HECW2: variants seen among roughly 807,000 people sequenced by gnomAD.
HECW2 encodes E3 ubiquitin-protein ligase HECW2.
A neutral mutation model predicts 175.2 loss-of-function variants in HECW2; 61 were observed. The ratio of observed to expected loss-of-function variants is 0.35; its 90% CI spans 0.28 to 0.43. HECW2 has a LOEUF of 0.43. Among genes scored for constraint, HECW2 ranks in the 20% least tolerant of loss-of-function variants. The pLI is 1.00. For missense variants in HECW2, 1,524 were observed against 2,000.5 expected, an observed-to-expected ratio of 0.76 and a Z score of 4.54; for synonymous variants, 671 against 731.0, an observed-to-expected ratio of 0.92 and a Z score of 1.32.
chr2:196,377,293 T>C (rs1694077391), intron 2 of HECW2, among the ~76,000 whole-genome samples: 1 of 152,218 alleles, frequency 6.6e-6, no homozygotes. Flanking sequence ...TTGCAACAAT[T>C]GTATTCTTGA....
intron 2 of HECW2, among the ~76,000 whole-genome samples, chr2:196,375,886 GAA>G (rs1339507157): frequency 6.6e-6 from 1 of 152,206 alleles, no homozygotes; most frequent in Non-Finnish European, 1.5e-5. Context: ...CAAGGCTGAT[GAA>G]CACGTTCTTG....
intron 1 of HECW2, among the ~76,000 whole-genome samples, chr2:196,492,011 G>A (rs534216952): frequency 6.6e-6 from 1 of 152,114 alleles, no homozygotes; most frequent in South Asian, 2.1e-4. Context: ...AAATAAGTAA[G>A]TTATATCTCT....
intron 1 of HECW2, among the ~76,000 whole-genome samples, chr2:196,552,000 T>A (rs1177170136): frequency 6.6e-6 from 1 of 152,154 alleles, no homozygotes; most frequent in Non-Finnish European, 1.5e-5. Context: ...CCTGAATCAC[T>A]TCTCACCCTT....
chr2:196,381,179 C>G (rs1478746729), intron 2 of HECW2, among the ~76,000 whole-genome samples: 2 of 152,146 alleles, frequency 1.3e-5, no homozygotes, highest in Non-Finnish European at 2.9e-5. Flanking sequence ...AGTCTAAAGT[C>G]CCTTAAGACA....
In HECW2 at chr2:196,379,078, G is replaced by GC. The variant is rs562578278; in HGVS notation, c.293-35315dup. On this transcript the variant is annotated intron_variant, in intron 2 of 28. Transcript: ENST00000644978. ...ACAAGTTAAAAGACAATACCAGTGA[G>GC]CAAAAAAAAAAACAAATCCTGAATG... is the stretch of plus-strand genomic sequence containing the variant. Among the ~76,000 whole-genome samples the GC allele has an allele frequency of 4.5e-3, 588 of 129,308 alleles. 3 individuals are homozygous for GC. The highest frequency in any genetic ancestry group is 0.019 in the African/African-American group (554 of 29,044). The allele number at this position is 129,308 out of a possible 152,430, so 84.8% of individuals were successfully genotyped here. A position where few individuals can be genotyped will look rare whatever the true frequency, so the allele number is the denominator to read the frequency against.
chr2:196,312,118 CA>C (rs1691519198), intron 10 of HECW2, among the ~76,000 whole-genome samples: 1 of 151,994 alleles, frequency 6.6e-6, no homozygotes, highest in African/African-American at 2.4e-5. Flanking sequence ...CCACTCCCTT[CA>C]AATCAGACCT....
chr2:196,339,210 G>T (rs1274324965), intron 3 of HECW2, among the ~76,000 whole-genome samples: 1 of 152,022 alleles, frequency 6.6e-6, no homozygotes, highest in Non-Finnish European at 1.5e-5. Context: ...TACAGAAAAG[G>T]CTCTGATAGT....
At position 196,318,933 on chromosome 2, in the gene HECW2, G is replaced by A. The variant is rs776820114; in HGVS notation, c.1957C>T (p.Leu653=). 6.2e-7 allele frequency: 1 copy of A among 1,603,316 alleles called. No individual in the cohort carries two copies. The highest frequency in any genetic ancestry group is 2.2e-5 in the East Asian group (1 of 44,864). The change falls in exon 9 of 29, where the codon CTG becomes TTG. Residue 653 remains leucine (L), a synonymous_variant. Transcript: ENST00000644978. ...GAGCACCGTGTGTCCACAGAGGACA[G>A]CTGCGTGGTCACACTCTCATTGCAG... The part of the protein sequence containing the change: ...SSCNESVTTQ[L]SSVDTRCSSL...
At position 196,209,978 on chromosome 2, in the gene HECW2, T is replaced by C. The variant is rs1325559851; in HGVS notation, c.4607+5887A>G. Among the ~76,000 whole-genome samples, 6 of 152,130 alleles carry C rather than the reference T, an allele frequency of 3.9e-5. No individual in the cohort carries two copies. The East Asian group carries it at 9.6e-4, about 24-fold the overall frequency. On this transcript the variant is annotated intron_variant, in intron 28 of 28. Coordinates refer to ENST00000644978, the MANE Select transcript of HECW2 (RefSeq NM_001348768.2). ...CGGGGTTTCACCATGTTAGCCAGGA[T>C]GGTCTCCATCTCCTGACCTCGTGAT...
intron 2 of HECW2, among the ~76,000 whole-genome samples, chr2:196,429,883 G>T (rs1695657423): frequency 6.6e-6 from 1 of 152,182 alleles, no homozygotes; most frequent in Non-Finnish European, 1.5e-5. Flanking sequence ...ACAAATCTTG[G>T]CCAAGGTCTG....
At chr2:196,443,139 T>C (rs574345684) in intron 1 of HECW2, among the ~76,000 whole-genome samples, 1 of 152,256 alleles carries the variant, frequency 6.6e-6, no homozygotes, top group African/African-American at 2.4e-5. Context: ...CCTATGGACC[T>C]ACAGAGAAGA....
intron 3 of HECW2, among the ~76,000 whole-genome samples, chr2:196,340,136 A>T (rs1339560230): frequency 6.6e-6 from 1 of 152,138 alleles, no homozygotes; most frequent in Middle Eastern, 3.2e-3. Flanking sequence ...AAAAACAAAC[A>T]TTTTTAAATA....
At chr2:196,432,649 G>A (rs935361701) in intron 2 of HECW2, among the ~76,000 whole-genome samples, 6 of 152,142 alleles carry the variant, frequency 3.9e-5, no homozygotes, top group African/African-American at 7.2e-5. Context: ...ACAGAGTCAT[G>A]AAATTTAAAA....
intron 2 of HECW2, among the ~76,000 whole-genome samples, chr2:196,399,177 C>G (rs1206729710): frequency 6.6e-6 from 1 of 152,140 alleles, no homozygotes; most frequent in East Asian, 1.9e-4. Context: ...ATGGGCTTCC[C>G]CAGACTCAGC....
At chr2:196,411,639 G>C (rs1417891859) in intron 2 of HECW2, among the ~76,000 whole-genome samples, 2 of 152,386 alleles carry the variant, frequency 1.3e-5, no homozygotes, top group East Asian at 3.9e-4. Flanking sequence ...TGCAAAGAGA[G>C]AGAAGAGCTG....
Position 196,254,008 on chromosome 2 carries a change from CATT to C in HECW2, c.3438_3440del (p.Ile1146del). 6.2e-7 allele frequency: 1 copy of C among 1,613,740 alleles called. No individual in the cohort carries two copies. The highest frequency in any genetic ancestry group is 8.5e-7 in the Non-Finnish European group (1 of 1,179,752). On this transcript the variant is annotated inframe_deletion, in exon 19 of 29. Coordinates refer to ENST00000644978, the MANE Select transcript of HECW2 (RefSeq NM_001348768.2). ...GTAAGGCATGTGGAGGCACATACGACATTATCTCTTCTTCAAATAAGCTGGGGA... is the reference window on the plus strand; with the variant it reads ...GTAAGGCATGTGGAGGCACATACGACATCTCTTCTTCAAATAAGCTGGGGA...
At chr2:196,406,212 T>C (rs1460378375) in intron 2 of HECW2, among the ~76,000 whole-genome samples, 1 of 152,194 alleles carries the variant, frequency 6.6e-6, no homozygotes, top group African/African-American at 2.4e-5. Context: ...AGATGACTGA[T>C]AGGCAAGTCA....
rs576908163 is a variant in HECW2, at chr2:196,196,302, G to A, written c.*4975C>T. 2 of 152,304 alleles carry A rather than the reference G, an allele frequency of 1.3e-5. No individual in the cohort carries two copies. Among genetic ancestry groups the A allele is most frequent in the Admixed American group, 1.3e-4 (2 of 15,284 alleles). The allele number at this position is 152,304 out of a possible 1,614,324, so 9.4% of individuals were successfully genotyped here. On this transcript the variant is annotated 3_prime_UTR_variant, in exon 29 of 29. Coordinates refer to ENST00000644978, the MANE Select transcript of HECW2 (RefSeq NM_001348768.2). Reference sequence around the variant, plus strand: ...GTAGCTGGCCTTAAGCCACAATTCAGAAAGCTTTAATGTCTTCAGCATTCC... The same window carrying A: ...GTAGCTGGCCTTAAGCCACAATTCAAAAAGCTTTAATGTCTTCAGCATTCC...
chr2:196,340,931 G>GA lies in HECW2; in HGVS notation c.400+2725dup, dbSNP rs71009098. 8.6e-3 allele frequency among the ~76,000 whole-genome samples: 1,251 copies of GA among 146,236 alleles called. 7 individuals are homozygous for GA. The highest frequency in any genetic ancestry group is 0.012 in the Non-Finnish European group (796 of 66,836). ...TGGAAATGCTAAAATACGGAGAAAA[G>GA]AAAAAAAAAAAACCCTTCTCTTTTC... is the stretch of plus-strand genomic sequence containing the variant. On this transcript the variant is annotated intron_variant, in intron 3 of 28. Transcript: ENST00000644978.
Sources: allele counts gnomAD v4.1 joint callset (sites outside exome capture counted in the v4.1 genomes callset), GRCh38; gene constraint gnomAD v4.1.1; transcripts MANE v1.5; gene names NCBI Gene and HGNC (gene_info 2026-07-23, HGNC 2026-07-21).